Variants in ZFP2 observed in about 807,000 individuals in gnomAD.
ZFP2 encodes ZFP2 zinc finger protein, also known as zinc finger protein ZFP2.
ZFP2 carries 33 observed loss-of-function variants against 36.1 expected under a neutral mutation model. That is an observed-to-expected ratio of 0.92 (90% CI 0.69 to 1.22). The LOEUF is 1.22. Among genes scored for constraint, ZFP2 ranks in the 50% most tolerant of loss-of-function variants. The pLI, the probability that ZFP2 is intolerant of heterozygous loss-of-function variation, is 0.00. For missense variants in ZFP2, 522 were observed against 551.4 expected (o/e 0.95, Z 0.53); for synonymous variants, 170 against 178.0 (o/e 0.96, Z 0.36).
chr5:178,922,701 C>T (rs371438280), intron 4 of ZFP2: 1 of 1,582,506 alleles, frequency 6.3e-7, no homozygotes, highest in South Asian at 1.1e-5. Flanking sequence ...TAGAAAGCAA[C>T]TTACATACAA....
chr5:178,922,537 T>G, intron 4 of ZFP2: 6 of 1,419,200 alleles, frequency 4.2e-6, no homozygotes, highest in Non-Finnish European at 4.0e-6. Context: ...TCCAGATCAC[T>G]GCAATGTCTA....
rs575560736 is a variant in ZFP2 at position 178,906,365 on chromosome 5, TG to T, written c.-449-6218del. ...CTTTCACCAAAAAGAGGCTTATTTT[TG>T]TTTTCACATATATTCTCCCTTATCT... is the stretch of plus-strand genomic sequence containing the variant. On this transcript the variant is annotated intron_variant, in intron 1 of 4. Coordinates refer to ENST00000361362, the MANE Select transcript of ZFP2 (RefSeq NM_030613.4). Among the ~76,000 whole-genome samples, 470 of 152,360 alleles carry T rather than the reference TG, an allele frequency of 3.1e-3. 1 individual carries two copies. Among genetic ancestry groups the T allele is most frequent in the African/African-American group, 0.011 (454 of 41,586 alleles).
In ZFP2 at chr5:178,924,171, A is replaced by T. The variant is rs993558317; in HGVS notation, c.-77-7066A>T. Reference sequence around the variant, plus strand: ...GGCGGATCACGAGGTCAGGAGATCGAGACCATCTTGGCTAACACGGTGAAA... The same window carrying T: ...GGCGGATCACGAGGTCAGGAGATCGTGACCATCTTGGCTAACACGGTGAAA... On this transcript the variant is annotated intron_variant, in intron 4 of 4. Transcript: ENST00000361362. 4.0e-5 allele frequency among the ~76,000 whole-genome samples: 6 copies of T among 148,672 alleles called. 1 individual carries two copies. The highest frequency in any genetic ancestry group is 3.4e-4 in the Admixed American group (5 of 14,842).
At chr5:178,929,872 T>G (rs897810188) in intron 4 of ZFP2, among the ~76,000 whole-genome samples, 2 of 149,446 alleles carry the variant, frequency 1.3e-5, no homozygotes, top group African/African-American at 4.9e-5. Context: ...CTGGGTGATT[T>G]ATAAGAAAAG....
intron 1 of ZFP2, among the ~76,000 whole-genome samples, chr5:178,896,509 C>T (rs1279960099): frequency 6.6e-6 from 1 of 152,204 alleles, no homozygotes; most frequent in East Asian, 1.9e-4. Flanking sequence ...CGGACCCGCC[C>T]TCTGGATCTC....
rs749254963 is a variant in ZFP2 at position 178,931,888 on chromosome 5, G to C, written c.575G>C (p.Gly192Ala). ...GEKPYQCKECGKAFHKNSSLI... is the reference protein window; with the variant it reads ...GEKPYQCKECAKAFHKNSSLI... ...AAACCCTATCAGTGTAAAGAGTGTG[G>C]CAAAGCCTTCCATAAGAATTCATCT... The change falls in exon 5 of 5, where the codon GGC becomes GCC. Residue 192 changes from glycine to alanine, a missense_variant. By Grantham distance (60) the Gly-to-Ala change is moderately conservative (BLOSUM62 0). Coordinates refer to ENST00000361362, the MANE Select transcript of ZFP2 (RefSeq NM_030613.4). 1.2e-6 allele frequency: 2 copies of C among 1,612,624 alleles called. No individual in the cohort carries two copies. Among genetic ancestry groups the C allele is most frequent in the African/African-American group, 2.7e-5 (2 of 74,882 alleles).
chr5:178,898,149 C>CT (rs1384481891), intron 1 of ZFP2, among the ~76,000 whole-genome samples: 2 of 152,150 alleles, frequency 1.3e-5, no homozygotes, highest in Non-Finnish European at 2.9e-5. Context: ...CCACCACTCT[C>CT]TAATTTTTGT....
intron 1 of ZFP2, among the ~76,000 whole-genome samples, chr5:178,912,362 G>A (rs1180050001): frequency 2.6e-5 from 4 of 152,134 alleles, no homozygotes; most frequent in Non-Finnish European, 5.9e-5. Context: ...CGCCTTTAGT[G>A]CCTTTCCTTA....
chr5:178,931,770 AC>A lies in ZFP2; in HGVS notation c.458del (p.Thr153MetfsTer19), dbSNP rs764505764. ...CCTTACTGTACATCAAAGAATTCAT[AC>A]TGGAGAGAAACCCTATAAATGTAAT... ...SSLTVHQRIH[T>X]GEKPYKCNEC... On this transcript the variant is annotated frameshift_variant, in exon 5 of 5. Coordinates refer to ENST00000361362, the MANE Select transcript of ZFP2 (RefSeq NM_030613.4). LOFTEE classifies it high-confidence loss of function. 9.9e-6 allele frequency: 16 copies of A among 1,614,152 alleles called. No homozygotes were observed. The East Asian group carries it at 3.3e-4, about 34-fold the overall frequency.
chr5:178,913,442 A>G (rs1360780627), intron 3 of ZFP2, among the ~76,000 whole-genome samples: 1 of 152,176 alleles, frequency 6.6e-6, no homozygotes, highest in Non-Finnish European at 1.5e-5. Flanking sequence ...CCTCTCAACC[A>G]TAACGTATAT....
Position 178,897,479 on chromosome 5 carries a change from GCTGT to G in ZFP2, c.-450+1511_-450+1514del, listed in dbSNP as rs1350779490. Among the ~76,000 whole-genome samples the G allele has an allele frequency of 7.9e-5, 12 of 152,306 alleles. No homozygotes were observed. The East Asian group carries it at 1.9e-3, about 24-fold the overall frequency. ...GGTGTTTGACATCACTGGCAGAGAA[GCTGT>G]CTGTCCCACGAGATTACAAAAATGT... On this transcript the variant is annotated intron_variant, in intron 1 of 4. Transcript: ENST00000361362.
chr5:178,918,952 A>C (rs190304671), intron 4 of ZFP2, among the ~76,000 whole-genome samples: 1 of 152,266 alleles, frequency 6.6e-6, no homozygotes, highest in African/African-American at 2.4e-5. Context: ...AATTCTGAGT[A>C]AAGCCCCCCT....
At chr5:178,910,312 C>G in intron 1 of ZFP2, 1 of 1,223,676 alleles carries the variant, frequency 8.2e-7, no homozygotes, top group Non-Finnish European at 1.2e-6. Context: ...ATTGCATCTT[C>G]CCACTCATCC....
Position 178,932,443 on chromosome 5 carries a change from C to G in ZFP2, c.1130C>G (p.Thr377Ser), listed in dbSNP as rs539202188. The G allele has an allele frequency of 1.2e-4, 189 of 1,614,124 alleles. No individual in the cohort carries two copies. In the South Asian group the frequency reaches 1.9e-3, roughly 16 times the overall value. ...SSLTVHQVIH[T>S]GEKPYECNEC... ...CTTACCGTGCATCAGGTCATTCACA[C>G]TGGAGAGAAACCTTATGAGTGCAAT... Residue 377 changes from threonine (T) to serine (S), a missense_variant, in exon 5 of 5, where the codon ACT (threonine) becomes AGT (serine). Thr to Ser is a moderately conservative substitution (Grantham distance 58, BLOSUM62 1). Transcript: ENST00000361362.
chr5:178,931,686 A>G lies in ZFP2; in HGVS notation c.373A>G (p.Thr125Ala). The G allele has an allele frequency of 1.9e-6, 3 of 1,614,196 alleles. No homozygotes were observed. Among genetic ancestry groups the G allele is most frequent in the Non-Finnish European group, 2.5e-6 (3 of 1,180,030 alleles). ...SSLLKHQRIHTGEKPYKCNVC... is the reference protein window; with the variant it reads ...SSLLKHQRIHAGEKPYKCNVC... The stretch of plus-strand genomic sequence containing the variant: ...CCTTCTTAAGCACCAGAGGATTCAT[A>G]CTGGGGAGAAACCCTATAAGTGTAA... Residue 125 changes from threonine (T) to alanine (A), a missense_variant, in exon 5 of 5, where the codon ACT becomes GCT. By Grantham distance (58) the Thr-to-Ala change is moderately conservative. Transcript: ENST00000361362.
At chr5:178,924,426 G>A (rs1017568525) in intron 4 of ZFP2, among the ~76,000 whole-genome samples, 3 of 147,968 alleles carry the variant, frequency 2.0e-5, no homozygotes, top group African/African-American at 4.9e-5. Flanking sequence ...TAGTGGTGGA[G>A]CTCCAGAGTT....
At chr5:178,903,862 G>A (rs1366026557) in intron 1 of ZFP2, among the ~76,000 whole-genome samples, 3 of 152,170 alleles carry the variant, frequency 2.0e-5, no homozygotes, top group East Asian at 1.9e-4. Context: ...ATGGTGGCAC[G>A]TGCCTGTAGT....
chr5:178,922,736 G>C lies in ZFP2; in HGVS notation c.-78+6026G>C, dbSNP rs1387461554. 11 of 1,559,590 alleles carry C rather than the reference G, an allele frequency of 7.1e-6. 1 individual carries two copies. The highest frequency in any genetic ancestry group is 9.6e-6 in the Non-Finnish European group (11 of 1,141,660). Reference sequence around the variant, plus strand: ...AGAACAATTAACTGGAGCAAAGGGAGATATTTCTTTGTGCAGATTCTGTAA... The same window carrying C: ...AGAACAATTAACTGGAGCAAAGGGACATATTTCTTTGTGCAGATTCTGTAA... On this transcript the variant is annotated intron_variant, in intron 4 of 4. Transcript: ENST00000361362.
chr5:178,902,409 C>A (rs1371704282), intron 1 of ZFP2, among the ~76,000 whole-genome samples: 1 of 152,206 alleles, frequency 6.6e-6, no homozygotes, highest in African/African-American at 2.4e-5. Flanking sequence ...ACCTGTCCTA[C>A]AACTGTCCTT....
Sources: gnomAD v4.1 joint callset for allele counts (sites outside exome capture counted in the v4.1 genomes callset) on GRCh38, gnomAD v4.1.1 for gene constraint, MANE v1.5 for transcripts, NCBI Gene and HGNC (gene_info 2026-07-23, HGNC 2026-07-21) for gene names.